The following CCDC88C variants were observed in gnomAD, a reference collection of about 807,000 sequenced individuals.
CCDC88C encodes protein Daple.
A neutral mutation model predicts 198.8 loss-of-function variants in CCDC88C; 131 were observed. The observed-to-expected ratio is 0.66, with a 90% CI of 0.57 to 0.76. The LOEUF is 0.76. Ranked by LOEUF, CCDC88C falls within the 30% of genes least tolerant of loss-of-function variation. The probability of loss-of-function intolerance (pLI) is 0.00; values close to 1 mark genes in which losing one functional copy is unlikely to be tolerated. For missense variants in CCDC88C, 2,553 were observed against 2,631.6 expected, an observed-to-expected ratio of 0.97 and a Z score of 0.65; for synonymous variants, 1,166 against 1,114.7, an observed-to-expected ratio of 1.05 and a Z score of -0.92.
At chr14:91,392,415 T>C (rs10136089) in intron 3 of CCDC88C, among the ~76,000 whole-genome samples, 4,315 of 151,992 alleles carry the variant, frequency 0.028, 204 homozygotes, top group African/African-American at 0.098. Context: ...ACACCTTAAT[T>C]AGGGCTAGAG....
intron 25 of CCDC88C, chr14:91,285,922 C>T (rs966544953): frequency 2.2e-5 from 17 of 776,264 alleles, no homozygotes; most frequent in African/African-American, 2.0e-4. Context: ...ACAAATGAAT[C>T]GAAATTAGCT....
At position 91,306,675 on chromosome 14, in the gene CCDC88C, T is replaced by C. The variant is rs984525163; in HGVS notation, c.3195+363A>G. On this transcript the variant is annotated intron_variant, in intron 18 of 29. Transcript: ENST00000389857. Reference sequence around the variant, plus strand: ...TCAACCTAAAGAATCATTGTCACTGTAGGGGAAGCAGCCCCAGACAACCTC... The same window carrying C: ...TCAACCTAAAGAATCATTGTCACTGCAGGGGAAGCAGCCCCAGACAACCTC... 1.1e-4 allele frequency among the ~76,000 whole-genome samples: 16 copies of C among 152,232 alleles called. 1 individual carries two copies.
chr14:91,318,024 G>T (rs907748607), intron 13 of CCDC88C, among the ~76,000 whole-genome samples: 1 of 152,232 alleles, frequency 6.6e-6, no homozygotes, highest in African/African-American at 2.4e-5. Flanking sequence ...TGCAGAGCTG[G>T]AGGTTCTCAT....
chr14:91,411,946 G>A (rs1886814281), intron 2 of CCDC88C, among the ~76,000 whole-genome samples: 1 of 146,902 alleles, frequency 6.8e-6, no homozygotes, highest in Non-Finnish European at 1.5e-5. Flanking sequence ...CTGTGCAACA[G>A]AGTGAGACTC....
chr14:91,391,290 AT>A (rs1885491540), intron 3 of CCDC88C, among the ~76,000 whole-genome samples: 1 of 148,850 alleles, frequency 6.7e-6, no homozygotes, highest in South Asian at 2.1e-4. Flanking sequence ...CCCGTTTTTA[AT>A]TGTGGTAAAA....
At chr14:91,414,662 CTCTT>C (rs1886955638) in intron 2 of CCDC88C, among the ~76,000 whole-genome samples, 1 of 152,208 alleles carries the variant, frequency 6.6e-6, no homozygotes, top group African/African-American at 2.4e-5. Flanking sequence ...CACCCGCTCT[CTCTT>C]CTCTTTCCTC....
chr14:91,414,040 G>A (rs1886923465), intron 2 of CCDC88C, among the ~76,000 whole-genome samples: 1 of 152,174 alleles, frequency 6.6e-6, no homozygotes, highest in African/African-American at 2.4e-5. Context: ...TCTAAATGCG[G>A]GGCTAGGACT....
chr14:91,330,622 G>A (rs1892783898), intron 10 of CCDC88C, among the ~76,000 whole-genome samples: 1 of 152,214 alleles, frequency 6.6e-6, no homozygotes, highest in African/African-American at 2.4e-5. Flanking sequence ...CTGGACCTGG[G>A]ACGAGGGGAT....
intron 18 of CCDC88C, among the ~76,000 whole-genome samples, chr14:91,306,350 A>C (rs192278176): frequency 5.2e-5 from 8 of 152,388 alleles, no homozygotes; most frequent in Admixed American, 5.2e-4. Context: ...CAGCAAGTAG[A>C]ATAAGGCACT....
In CCDC88C at chr14:91,282,425, C is replaced by T. The variant is rs553210911; in HGVS notation, c.4631-900G>A. ...AAATTATAAGGGGAATGCCCTTTTC[C>T]GTTTTAAGCATTATCTCTTCCTTTC... On this transcript the variant is annotated intron_variant, in intron 26 of 29. Transcript: ENST00000389857. Among the ~76,000 whole-genome samples the T allele has an allele frequency of 1.4e-4, 21 of 152,298 alleles. No individual in the cohort carries two copies. The South Asian group carries it at 3.3e-3, about 24-fold the overall frequency.
In CCDC88C at chr14:91,321,207, C is replaced by G; in HGVS notation, c.1440G>C (p.Gln480His). Reference sequence around the variant, plus strand: ...ACACCAGGGACGCGTCCCGCAGCCCCTGGATGGTGCTCTGGAGGCTCTGAT... The same window carrying G: ...ACACCAGGGACGCGTCCCGCAGCCCGTGGATGGTGCTCTGGAGGCTCTGAT... ...KENQSLQSTIQGLRDASLVLE... is the reference protein window; with the variant it reads ...KENQSLQSTIHGLRDASLVLE... The change falls in exon 13 of 30, where the codon CAG becomes CAC. Residue 480 changes from glutamine to histidine, a missense_variant. Gln to His is a conservative substitution (Grantham distance 24). Around this residue, in one of 2 missense-constraint regions of CCDC88C, gnomAD observed 1,260 missense variants for 1,412.0 expected, o/e 0.89. Transcript: ENST00000389857. 6.2e-7 allele frequency: 1 copy of G among 1,610,992 alleles called. No homozygotes were observed. Among genetic ancestry groups the G allele is most frequent in the Non-Finnish European group, 8.5e-7 (1 of 1,178,682 alleles).
chr14:91,414,101 G>T (rs1886925564), intron 2 of CCDC88C, among the ~76,000 whole-genome samples: 1 of 152,166 alleles, frequency 6.6e-6, no homozygotes, highest in South Asian at 2.1e-4. Flanking sequence ...GAGGGCTAAG[G>T]GCTGAGAACT....
chr14:91,353,825 CTCAAAGGTTCCAGGGGCA>C (rs1893921390), intron 4 of CCDC88C, among the ~76,000 whole-genome samples: 1 of 152,214 alleles, frequency 6.6e-6, no homozygotes, highest in Non-Finnish European at 1.5e-5. Flanking sequence ...CAAGGCTCTT[CTCAAAGGTTCCAGGGGCA>C]TTCAGACAGG....
At chr14:91,334,539 C>T (rs987629680) in intron 10 of CCDC88C, among the ~76,000 whole-genome samples, 1 of 152,206 alleles carries the variant, frequency 6.6e-6, no homozygotes. Flanking sequence ...TGGGCCACCA[C>T]GCCTGGGCCA....
intron 23 of CCDC88C, among the ~76,000 whole-genome samples, chr14:91,293,520 G>A (rs1207549964): frequency 0.052 from 351 of 6,694 alleles, 90 homozygotes; most frequent in South Asian, 0.064. Context: ...CTACCTTCCT[G>A]TCCCCTCACC....
At chr14:91,355,786 C>T (rs973886887) in intron 4 of CCDC88C, among the ~76,000 whole-genome samples, 1 of 152,088 alleles carries the variant, frequency 6.6e-6, no homozygotes, top group Admixed American at 6.6e-5. Context: ...AGTTGTGGCA[C>T]CTCCCTTTTT....
chr14:91,321,297 C>T lies in CCDC88C; in HGVS notation c.1350G>A (p.Arg450=), dbSNP rs927215717. The T allele has an allele frequency of 1.2e-5, 18 of 1,553,910 alleles. No individual in the cohort carries two copies. The highest frequency in any genetic ancestry group is 1.6e-5 in the Non-Finnish European group (18 of 1,148,460). ...SKNADLSDAS[R]KSFVFELNEC... ...CGTTCAGCTCAAACACAAACGACTTCCTGGAGGCTGAAGACAAAGTCCAGT... is the reference window on the plus strand; with the variant it reads ...CGTTCAGCTCAAACACAAACGACTTTCTGGAGGCTGAAGACAAAGTCCAGT... Residue 450 remains arginine (R), a synonymous_variant, in exon 13 of 30, where the codon AGG becomes AGA. Transcript: ENST00000389857.
At position 91,294,211 on chromosome 14, in the gene CCDC88C, C is replaced by T. The variant is rs764772896; in HGVS notation, c.4074G>A (p.Glu1358=). The change falls in exon 23 of 30, where the codon GAG becomes GAA. Residue 1358 remains glutamate, a synonymous_variant. Coordinates refer to ENST00000389857, the MANE Select transcript of CCDC88C (RefSeq NM_001080414.4). ...GCTCCTCATGGTACTGCTCCTTGTTCTCCATGTTCTGCTCCAGAAGCATCT... is the reference window on the plus strand; with the variant it reads ...GCTCCTCATGGTACTGCTCCTTGTTTTCCATGTTCTGCTCCAGAAGCATCT... The part of the protein sequence containing the change: ...QNQMLLEQNM[E]NKEQYHEEQK... The T allele has an allele frequency of 6.2e-7, 1 of 1,614,004 alleles. No homozygotes were observed. Among genetic ancestry groups the T allele is most frequent in the Non-Finnish European group, 8.5e-7 (1 of 1,179,864 alleles).
intron 27 of CCDC88C, 42 bp downstream of exon 27, chr14:91,281,415 C>A: frequency 6.2e-7 from 1 of 1,613,376 alleles, no homozygotes; most frequent in South Asian, 1.1e-5. Context: ...AAAAACCAGT[C>A]TGGAAACCCA....
Sources: allele counts gnomAD v4.1 joint callset (sites outside exome capture counted in the v4.1 genomes callset), GRCh38; gene constraint gnomAD v4.1.1; regional missense constraint gnomAD v4.1.1; transcripts MANE v1.5; gene names NCBI Gene and HGNC (gene_info 2026-07-23, HGNC 2026-07-21).